Variants in DEPDC5 observed in about 807,000 individuals in gnomAD.
The protein encoded by DEPDC5 is DEP domain containing 5, GATOR1 subcomplex subunit.
DEPDC5 carries 73 observed loss-of-function variants against 217.3 expected under a neutral mutation model. That is an observed-to-expected ratio of 0.34 (90% confidence interval 0.28 to 0.41). DEPDC5 has a LOEUF of 0.41. DEPDC5 is among the 10% of genes least tolerant of loss of function. The pLI is 1.00. For missense variants in DEPDC5, 1,675 were observed against 2,070.1 expected, an observed-to-expected ratio of 0.81 and a Z score of 3.70; for synonymous variants, 733 against 756.7, an observed-to-expected ratio of 0.97 and a Z score of 0.51.
At position 31,843,147 on chromosome 22, in the gene DEPDC5, G is replaced by A; in HGVS notation, c.2568G>A (p.Met856Ile). Reference protein sequence around the residue: ...PEEEDQYWLSMGRTFHKVTLK... With the variant: ...PEEEDQYWLSIGRTFHKVTLK... The stretch of plus-strand genomic sequence containing the variant: ...AGGAGGACCAGTATTGGCTGAGTAT[G>A]GGCAGAACGTTCCACAAAGTGACGC... Residue 856 changes from methionine to isoleucine, a missense_variant, in exon 28 of 43, where the codon ATG (methionine) becomes ATA (isoleucine). Physicochemically the swap from Met to Ile is conservative, Grantham distance 10. This residue lies in a region of DEPDC5 where 293 missense variants were observed against 386.1 expected (regional missense o/e 0.76). Transcript: ENST00000651528. The A allele has an allele frequency of 6.2e-7, 1 of 1,614,120 alleles. No individual in the cohort carries two copies. Among genetic ancestry groups the A allele is most frequent in the Non-Finnish European group, 8.5e-7 (1 of 1,180,026 alleles).
At chr22:31,823,943 CAG>C (rs1262194206) in intron 24 of DEPDC5, among the ~76,000 whole-genome samples, 2 of 152,048 alleles carry the variant, frequency 1.3e-5, no homozygotes, top group Non-Finnish European at 2.9e-5. Context: ...CCTCAGAGGA[CAG>C]AGATATTGTA....
rs2092201068 is a variant in DEPDC5, at chr22:31,854,741, T to A, written c.3156-2704T>A. ...ATCTGCCCAAATCCCTTGATGTAAC[T>A]TCTGCTTCTCAGGAAGTACAGGGCA... On this transcript the variant is annotated intron_variant, in intron 31 of 42. Transcript: ENST00000651528. Among the ~76,000 whole-genome samples the A allele has an allele frequency of 2.0e-5, 3 of 152,242 alleles. No individual in the cohort carries two copies. The South Asian group carries it at 6.2e-4, about 32-fold the overall frequency.
Position 31,837,446 on chromosome 22 carries a change from G to A in DEPDC5, c.2354+291G>A, listed in dbSNP as rs1451672239. 4.2e-5 allele frequency: 18 copies of A among 428,452 alleles called. No individual in the cohort carries two copies. The East Asian group carries it at 6.3e-4, about 15-fold the overall frequency. 26.5% of individuals were successfully genotyped at this position (428,452 alleles called of 1,614,324 possible). A position where few individuals can be genotyped will look rare whatever the true frequency, so the allele number is the denominator to read the frequency against. ...ACTCACTGCAGCCTCTACCTCCTGAGTACAAACAGTCTTTCCACCTCAGCC... is the reference window on the plus strand; with the variant it reads ...ACTCACTGCAGCCTCTACCTCCTGAATACAAACAGTCTTTCCACCTCAGCC... On this transcript the variant is annotated intron_variant, in intron 26 of 42. Transcript: ENST00000651528.
Position 31,870,641 on chromosome 22 carries a change from A to G in DEPDC5, c.3382A>G (p.Ile1128Val), listed in dbSNP as rs777894162. 1.2e-6 allele frequency: 2 copies of G among 1,602,798 alleles called. No individual in the cohort carries two copies. The highest frequency in any genetic ancestry group is 4.6e-5 in the East Asian group (2 of 43,836). Residue 1128 changes from isoleucine (I) to valine (V), a missense_variant, in exon 34 of 43, where the codon ATA (isoleucine) becomes GTA (valine). By Grantham distance (29) the Ile-to-Val change is conservative. Transcript: ENST00000651528. ...TATGTTGGACGGCACCAGTTTGGGC[A>G]TATGCACAGGCCAATCCATGGACAG... ...TPMLDGTSLG[I>V]CTGQSMDRGN...
chr22:31,762,132 G>A (rs1350275517), intron 4 of DEPDC5, among the ~76,000 whole-genome samples: 1 of 152,080 alleles, frequency 6.6e-6, no homozygotes. Context: ...TTTGTTAAAT[G>A]CCTACTCTGG....
rs757188110 is a variant in DEPDC5, at chr22:31,870,715, C to T, written c.3456C>T (p.Gly1152=). 4 of 1,589,418 alleles carry T rather than the reference C, an allele frequency of 2.5e-6. No homozygotes were observed. In the East Asian group the frequency reaches 9.3e-5, roughly 37 times the overall value. Residue 1152 remains glycine, a synonymous_variant, in exon 34 of 43, where the codon GGC becomes GGT. Transcript: ENST00000651528. ...FGNSQNIGEQ[G]YSSTNSSDSS... is the part of the protein sequence containing the mutation. ...ACTCCCAGAACATAGGAGAACAGGG[C>T]TACTCCTCCACAAACTCCAGTGACA... is the stretch of plus-strand genomic sequence containing the variant.
At position 31,846,851 on chromosome 22, in the gene DEPDC5, A is replaced by G. The variant is rs758367096; in HGVS notation, c.3039A>G (p.Lys1013=). ...TGCTTTAGAAAGGGACCGCCATGAA[A>G]GGCTTGCAGATGACTGGGCCCATTT... ...DRMMRKGTAM[K]GLQMTGPIST... Residue 1013 remains lysine (K), a synonymous_variant, in exon 31 of 43, where the codon AAA becomes AAG. Transcript: ENST00000651528. 5 of 1,614,148 alleles carry G rather than the reference A, an allele frequency of 3.1e-6. No homozygotes were observed. The highest frequency in any genetic ancestry group is 4.2e-6 in the Non-Finnish European group (5 of 1,180,032).
chr22:31,815,491 C>T, intron 21 of DEPDC5: 1 of 660,908 alleles, frequency 1.5e-6, no homozygotes, highest in Non-Finnish European at 2.7e-6. Context: ...CTCAATCGAT[C>T]CTCCCACCTC....
intron 17 of DEPDC5, 73 bp downstream of exon 17, chr22:31,804,988 G>A: frequency 1.4e-6 from 2 of 1,420,954 alleles, no homozygotes; most frequent in Non-Finnish European, 2.0e-6. Context: ...CTTTAAATCT[G>A]TTAAGTTCTT....
chr22:31,901,710 C>G, intron 40 of DEPDC5, 32 bp from the exon 41 acceptor site: 1 of 1,586,550 alleles, frequency 6.3e-7, no homozygotes, highest in East Asian at 2.3e-5. Context: ...CTTGTGATCA[C>G]AACCCAATAT....
chr22:31,767,959 A>G (rs1569512420), intron 6 of DEPDC5, among the ~76,000 whole-genome samples: 1 of 149,078 alleles, frequency 6.7e-6, no homozygotes, highest in Admixed American at 6.7e-5. Context: ...GTTAGCCAGG[A>G]TGGTCTCGAT....
chr22:31,818,098 A>T (rs1416452497), intron 21 of DEPDC5, among the ~76,000 whole-genome samples: 2 of 152,122 alleles, frequency 1.3e-5, no homozygotes, highest in African/African-American at 4.8e-5. Context: ...AACATGGAAT[A>T]CACACAAGAA....
At chr22:31,820,893 G>A (rs2089630395) in intron 22 of DEPDC5, among the ~76,000 whole-genome samples, 2 of 152,078 alleles carry the variant, frequency 1.3e-5, no homozygotes, top group South Asian at 2.1e-4. Context: ...GGCTAATCTT[G>A]TGGTCTCCTG....
intron 34 of DEPDC5, 116 bp from the exon 35 acceptor site, chr22:31,873,139 G>T: frequency 1.3e-6 from 2 of 1,573,428 alleles, no homozygotes; most frequent in Non-Finnish European, 1.7e-6. Flanking sequence ...AATGCCTTTA[G>T]TGTCAACATT....
chr22:31,815,389 T>A, intron 21 of DEPDC5, 177 bp downstream of exon 21: 1 of 303,836 alleles, frequency 3.3e-6, no homozygotes. Flanking sequence ...ATACTTCTTT[T>A]TTTTTTTTTT....
In DEPDC5 at chr22:31,906,456, T is replaced by C; in HGVS notation, c.4771T>C (p.Trp1591Arg). The change falls in exon 43 of 43, where the codon TGG becomes CGG. Residue 1591 changes from tryptophan (W) to arginine (R), a missense_variant. Transcript: ENST00000651528. The surrounding 1 kb of genome is among the most constrained non-coding windows in gnomAD (Gnocchi z 5.1). ...CCGTGACAACCGGCTGGTCACGTTC[T>C]GGACAAGTTGCCTGGAGAAGATGCA... ...INRDNRLVTF[W>R]TSCLEKMHAS... 1 of 1,614,024 alleles carries C rather than the reference T, an allele frequency of 6.2e-7. No individual in the cohort carries two copies. Among genetic ancestry groups the C allele is most frequent in the Non-Finnish European group, 8.5e-7 (1 of 1,180,040 alleles).
chr22:31,867,696 A>G (rs1372490969), intron 33 of DEPDC5, among the ~76,000 whole-genome samples: 3 of 152,206 alleles, frequency 2.0e-5, no homozygotes, highest in Admixed American at 6.5e-5. Flanking sequence ...CAGAGACCCT[A>G]TGGCCCACAA....
At chr22:31,888,272 C>T (rs187193723) in intron 38 of DEPDC5, among the ~76,000 whole-genome samples, 1,759 of 92,356 alleles carry the variant, frequency 0.019, 18 homozygotes, top group Middle Eastern at 0.077. Context: ...TTTTTGGAGA[C>T]GGAGTCTTGC....
At chr22:31,827,969 C>T (rs553101526) in intron 24 of DEPDC5, among the ~76,000 whole-genome samples, 46 of 152,344 alleles carry the variant, frequency 3.0e-4, no homozygotes, top group Non-Finnish European at 2.9e-4. Context: ...CTCGCTCTCT[C>T]GCTTCCTTCA....
Sources: allele counts gnomAD v4.1 joint callset (sites outside exome capture counted in the v4.1 genomes callset), GRCh38; gene constraint gnomAD v4.1.1; regional missense constraint gnomAD v4.1.1; non-coding constraint Gnocchi (gnomAD v3.1); transcripts MANE v1.5; gene names NCBI Gene and HGNC (gene_info 2026-07-23, HGNC 2026-07-21).